BTBD9: variants seen among roughly 807,000 people sequenced by gnomAD.
BTBD9 encodes the protein BTB domain containing 9.
BTBD9 carries 49 observed loss-of-function variants against 64.3 expected under a neutral mutation model. That is an observed-to-expected ratio of 0.76 (90% CI 0.61 to 0.97). BTBD9 has a LOEUF of 0.97. Among genes scored for constraint, BTBD9 ranks in the 50% least tolerant of loss-of-function variants. BTBD9 has a pLI of 0.00. For synonymous variants in BTBD9, 260 were observed against 274.7 expected (o/e 0.95, Z 0.53); for missense variants, 598 against 762.1 (o/e 0.78, Z 2.53).
chr6:38,504,213 C>T (rs1021013970), intron 6 of BTBD9, among the ~76,000 whole-genome samples: 1 of 152,180 alleles, frequency 6.6e-6, no homozygotes, highest in African/African-American at 2.4e-5. Flanking sequence ...CTGCATACGG[C>T]TAGAGAAAAA....
intron 6 of BTBD9, among the ~76,000 whole-genome samples, chr6:38,506,876 C>T (rs892339454): frequency 4.6e-5 from 7 of 152,260 alleles, no homozygotes; most frequent in Admixed American, 4.6e-4. Context: ...ATAAACGACC[C>T]AACTGGTCTC....
At chr6:38,253,682 G>C (rs972857354) in intron 9 of BTBD9, among the ~76,000 whole-genome samples, 1 of 152,174 alleles carries the variant, frequency 6.6e-6, no homozygotes, top group African/African-American at 2.4e-5. Context: ...GGGAGCTGTG[G>C]ACCCAATAAG....
chr6:38,357,188 A>C (rs1177821153), intron 6 of BTBD9, among the ~76,000 whole-genome samples: 1 of 152,190 alleles, frequency 6.6e-6, no homozygotes, highest in Non-Finnish European at 1.5e-5. Flanking sequence ...ATAAACATGT[A>C]GTTAACCAAT....
chr6:38,289,673 C>A (rs547215767), intron 7 of BTBD9, among the ~76,000 whole-genome samples: 1 of 152,238 alleles, frequency 6.6e-6, no homozygotes, highest in South Asian at 2.1e-4. Context: ...CTATTCTGTG[C>A]ATTGCAACAT....
At position 38,600,824 on chromosome 6, in the gene BTBD9, A is replaced by T. The variant is rs1175460726; in HGVS notation, c.-27-2703T>A. ...TAATATTACATATGTATCTACCATA[A>T]TAAGTTCTCCAGATCTCTACTTCTC... On this transcript the variant is annotated intron_variant, in intron 1 of 10. Coordinates refer to ENST00000481247, the MANE Select transcript of BTBD9 (RefSeq NM_001099272.2). Among the ~76,000 whole-genome samples, 148 of 152,178 alleles carry T rather than the reference A, an allele frequency of 9.7e-4. 3 individuals carry two copies. The highest frequency in any genetic ancestry group is 9.7e-3 in the Admixed American group (148 of 15,278).
intron 9 of BTBD9, among the ~76,000 whole-genome samples, chr6:38,241,417 C>T (rs998146833): frequency 2.0e-5 from 3 of 152,108 alleles, no homozygotes; most frequent in Admixed American, 1.3e-4. Context: ...GGTAGAAGGC[C>T]GAACAAGATG....
intron 7 of BTBD9, among the ~76,000 whole-genome samples, chr6:38,324,611 G>C (rs532079091): frequency 6.6e-6 from 1 of 152,286 alleles, no homozygotes; most frequent in Admixed American, 6.5e-5. Context: ...GTGGTGGTGA[G>C]AAACTGACCA....
chr6:38,215,725 C>A (rs984421455), intron 9 of BTBD9, among the ~76,000 whole-genome samples: 6 of 152,234 alleles, frequency 3.9e-5, no homozygotes, highest in Non-Finnish European at 5.9e-5. Context: ...TGGTGTCCTG[C>A]TGGGCAGCCC....
At chr6:38,305,243 C>T (rs930352281) in intron 7 of BTBD9, among the ~76,000 whole-genome samples, 2 of 152,022 alleles carry the variant, frequency 1.3e-5, no homozygotes, top group Middle Eastern at 3.2e-3. Context: ...TGGGTCTTGA[C>T]CTAAACATTA....
rs1764761041 is a variant in BTBD9, at chr6:38,260,751, C to T, written c.1455-4235G>A. 5.3e-5 allele frequency among the ~76,000 whole-genome samples: 8 copies of T among 152,110 alleles called. No homozygotes were observed. The South Asian group carries it at 1.7e-3, about 32-fold the overall frequency. ...ACTTTTAAAACATATACACACAGTGCATATGGTTTGTAACTTGCTACTTTT... is the reference window on the plus strand; with the variant it reads ...ACTTTTAAAACATATACACACAGTGTATATGGTTTGTAACTTGCTACTTTT... On this transcript the variant is annotated intron_variant, in intron 8 of 10. Transcript: ENST00000481247.
chr6:38,426,550 G>A (rs180739069), intron 6 of BTBD9, among the ~76,000 whole-genome samples: 46 of 151,948 alleles, frequency 3.0e-4, no homozygotes, highest in Non-Finnish European at 3.5e-4. Flanking sequence ...TGCCGCCGTC[G>A]CAGACCCACC....
chr6:38,439,716 C>G (rs911014692), intron 6 of BTBD9, among the ~76,000 whole-genome samples: 1 of 152,150 alleles, frequency 6.6e-6, no homozygotes, highest in Admixed American at 6.5e-5. Context: ...CGTGAGCCAC[C>G]ACACCTGGCC....
intron 6 of BTBD9, among the ~76,000 whole-genome samples, chr6:38,488,964 G>T (rs1286195713): frequency 6.6e-6 from 1 of 150,578 alleles, no homozygotes; most frequent in Non-Finnish European, 1.5e-5. Context: ...GGCATGATCA[G>T]GGCTCACTGT....
chr6:38,214,032 A>AATAATAATAATT (rs1762926952), intron 9 of BTBD9, among the ~76,000 whole-genome samples: 2 of 150,822 alleles, frequency 1.3e-5, no homozygotes, highest in Admixed American at 6.6e-5. Context: ...TAATAATAAT[A>AATAATAATAATT]ATTTCTCCCT....
At chr6:38,271,369 A>G (rs1765189979) in intron 8 of BTBD9, among the ~76,000 whole-genome samples, 1 of 152,164 alleles carries the variant, frequency 6.6e-6, no homozygotes, top group Non-Finnish European at 1.5e-5. Flanking sequence ...TGCTGATTTT[A>G]ATATTCCTAT....
At chr6:38,588,731 C>T (rs1776657798) in intron 4 of BTBD9, among the ~76,000 whole-genome samples, 1 of 152,204 alleles carries the variant, frequency 6.6e-6, no homozygotes. Context: ...AAAAATATAG[C>T]AACTTCTTAG....
chr6:38,588,370 C>T, intron 4 of BTBD9: 1 of 861,398 alleles, frequency 1.2e-6, no homozygotes, highest in South Asian at 1.4e-5. Context: ...CCCTGCCTCT[C>T]AACCTAGAAT....
intron 10 of BTBD9, among the ~76,000 whole-genome samples, chr6:38,176,553 CTA>C (rs990127791): frequency 6.6e-6 from 1 of 152,198 alleles, no homozygotes; most frequent in African/African-American, 2.4e-5. Flanking sequence ...CCCACTTAGC[CTA>C]TGTCTCCCTC....
chr6:38,238,072 G>A (rs1020908109), intron 9 of BTBD9, among the ~76,000 whole-genome samples: 6 of 152,240 alleles, frequency 3.9e-5, no homozygotes, highest in African/African-American at 1.4e-4. Context: ...CGGAGGCTAG[G>A]TTTAGAAGCC....
Sources: gnomAD v4.1 joint callset for allele counts (sites outside exome capture counted in the v4.1 genomes callset) on GRCh38, gnomAD v4.1.1 for gene constraint, MANE v1.5 for transcripts, NCBI Gene and HGNC (gene_info 2026-07-23, HGNC 2026-07-21) for gene names.